ANXA4: variants seen among roughly 807,000 people sequenced by gnomAD.
ANXA4 encodes annexin A4.
In ANXA4, 39 loss-of-function variants were observed where a neutral mutation model predicts 49.8. That is an observed-to-expected ratio of 0.78 (90% CI 0.61 to 1.02). The LOEUF is 1.02. Among genes scored for constraint, ANXA4 ranks in the 50% least tolerant of loss-of-function variants. The pLI is 0.00. For synonymous variants in ANXA4, 134 were observed against 152.5 expected, an observed-to-expected ratio of 0.88 and a Z score of 0.89; for missense variants, 360 against 410.1, an observed-to-expected ratio of 0.88 and a Z score of 1.05.
chr2:69,651,308 T>G (rs564393663), intron 1 of ANXA4, among the ~76,000 whole-genome samples: 1 of 152,116 alleles, frequency 6.6e-6, no homozygotes, highest in Admixed American at 6.5e-5. Flanking sequence ...GAACTTGAGG[T>G]TGCAGTAAAC....
At chr2:69,779,547 T>C (rs1672112862) in intron 1 of ANXA4, among the ~76,000 whole-genome samples, 1 of 152,244 alleles carries the variant, frequency 6.6e-6, no homozygotes, top group Non-Finnish European at 1.5e-5. Flanking sequence ...CATCTGTTCC[T>C]GTAGCTGTCT....
chr2:69,645,406 G>A (rs1188008386), intron 1 of ANXA4, among the ~76,000 whole-genome samples: 1 of 152,234 alleles, frequency 6.6e-6, no homozygotes, highest in Non-Finnish European at 1.5e-5. Context: ...TAAAAGGCCA[G>A]ATTTTTGTCT....
chr2:69,678,384 C>CTTTTT (rs1677481624), intron 2 of ANXA4, among the ~76,000 whole-genome samples: 1 of 105,086 alleles, frequency 9.5e-6, no homozygotes, highest in African/African-American at 3.7e-5. Context: ...ACTTTCTTTT[C>CTTTTT]TTTTCTTTTT....
At chr2:69,643,947 A>G, upstream of ANXA4, 2 of 1,091,636 alleles carry the variant, frequency 1.8e-6, no homozygotes, top group Non-Finnish European at 1.1e-6. Flanking sequence ...AGAGTTCTGG[A>G]AAAGACTGTT....
At position 69,691,577 on chromosome 2, in the gene ANXA4, A is replaced by ATG. The variant is rs1444766094; in HGVS notation, n.767-29197_767-29196insTG. 2.2e-3 allele frequency among the ~76,000 whole-genome samples: 133 copies of ATG among 61,626 alleles called. No homozygotes were observed. In the African/African-American group the frequency reaches 0.023, roughly 11 times the overall value. 40.4% of individuals were successfully genotyped at this position (61,626 alleles called of 152,430 possible). Reference sequence around the variant, plus strand: ...ATTTCACACACACACACACATGCACACACACACACACACACACACACAGAC... The same window carrying ATG: ...ATTTCACACACACACACACATGCACATGCACACACACACACACACACACAGAC... On this transcript the variant is annotated intron_variant and non_coding_transcript_variant, in intron 2 of 3. Transcript: ENST00000418066.
intron 3 of ANXA4, among the ~76,000 whole-genome samples, chr2:69,728,890 A>G (rs1258826422): frequency 6.6e-6 from 1 of 152,230 alleles, no homozygotes; most frequent in Non-Finnish European, 1.5e-5. Context: ...TTCTATATAC[A>G]TACCTCAAAC....
intron 1 of ANXA4, among the ~76,000 whole-genome samples, chr2:69,757,087 C>T (rs1344446801): frequency 2.7e-5 from 4 of 149,068 alleles, no homozygotes; most frequent in South Asian, 2.1e-4. Context: ...CCACCATGCC[C>T]GGCTAATTTT....
chr2:69,656,248 T>G (rs200547747), intron 2 of ANXA4, among the ~76,000 whole-genome samples: 1 of 134,942 alleles, frequency 7.4e-6, no homozygotes, highest in Non-Finnish European at 1.5e-5. Flanking sequence ...TACGTATATA[T>G]ATGTATATAC....
chr2:69,656,369 GTATATA>G (rs1411019639), intron 2 of ANXA4, among the ~76,000 whole-genome samples: 3 of 117,750 alleles, frequency 2.5e-5, no homozygotes, highest in African/African-American at 1.1e-4. Flanking sequence ...ATATATATGT[GTATATA>G]TGTGTATATA....
chr2:69,653,684 A>G (rs1676335761), intron 2 of ANXA4, among the ~76,000 whole-genome samples: 2 of 152,232 alleles, frequency 1.3e-5, no homozygotes, highest in Admixed American at 1.3e-4. Context: ...GAGAACTCTT[A>G]AAAATGACTG....
intron 3 of ANXA4, among the ~76,000 whole-genome samples, chr2:69,790,927 T>C (rs919950122): frequency 1.3e-5 from 2 of 152,224 alleles, no homozygotes; most frequent in Non-Finnish European, 2.9e-5. Context: ...TTGTTAAAAA[T>C]AATCTATGAT....
At chr2:69,705,855 C>A (rs998760786) in intron 2 of ANXA4, among the ~76,000 whole-genome samples, 9 of 152,118 alleles carry the variant, frequency 5.9e-5, no homozygotes, top group African/African-American at 2.2e-4. Context: ...TCGCTTGAAT[C>A]CAGGAGGTGG....
chr2:69,745,108 GA>G (rs903488079), intron 1 of ANXA4, among the ~76,000 whole-genome samples: 13 of 150,828 alleles, frequency 8.6e-5, no homozygotes, highest in African/African-American at 2.9e-4. Context: ...TAAATAAAAA[GA>G]AAAAAAAATA....
chr2:69,706,292 CTTTTTTTT>C (rs916740716), intron 2 of ANXA4, among the ~76,000 whole-genome samples: 260 of 59,278 alleles, frequency 4.4e-3, no homozygotes, highest in African/African-American at 0.021. Flanking sequence ...GGTACAATTC[CTTTTTTTT>C]TTTTTTTTTT....
At chr2:69,664,281 G>C (rs1676852641) in intron 2 of ANXA4, among the ~76,000 whole-genome samples, 1 of 152,114 alleles carries the variant, frequency 6.6e-6, no homozygotes, top group Non-Finnish European at 1.5e-5. Flanking sequence ...TTTTCAAGAA[G>C]CTTTCAGAAG....
chr2:69,662,011 AG>A (rs992997471), intron 2 of ANXA4, among the ~76,000 whole-genome samples: 3 of 152,218 alleles, frequency 2.0e-5, no homozygotes, highest in African/African-American at 7.2e-5. Flanking sequence ...CAACACTTGA[AG>A]GTTACATAAA....
chr2:69,718,775 TCACACACATGCATACACATACGTGCATA>T (rs1475628792), intron 2 of ANXA4, among the ~76,000 whole-genome samples: 1 of 126,230 alleles, frequency 7.9e-6, no homozygotes, highest in Non-Finnish European at 1.5e-5. Context: ...ACACACACAT[TCACACACATGCATACACATACGTGCATA>T]CACACACATG....
chr2:69,709,669 C>T (rs558644700), intron 2 of ANXA4, among the ~76,000 whole-genome samples: 1 of 152,312 alleles, frequency 6.6e-6, no homozygotes, highest in Admixed American at 6.5e-5. Context: ...CTCTGAAACC[C>T]ATTTCAGAAA....
intron 1 of ANXA4, among the ~76,000 whole-genome samples, chr2:69,756,942 T>TTC (rs1009783217): frequency 1.3e-5 from 2 of 150,098 alleles, no homozygotes; most frequent in Non-Finnish European, 3.0e-5. Flanking sequence ...TTATTTTTTT[T>TTC]TTTTAGACAG....
Sources: allele counts gnomAD v4.1 joint callset (sites outside exome capture counted in the v4.1 genomes callset), GRCh38; gene constraint gnomAD v4.1.1; transcripts MANE v1.5; gene names NCBI Gene and HGNC (gene_info 2026-07-23, HGNC 2026-07-21).